CACNA1A: variants seen among roughly 807,000 people sequenced by gnomAD.
CACNA1A encodes the protein voltage-dependent P/Q-type calcium channel subunit alpha-1A.
In CACNA1A, 57 loss-of-function variants were observed where a neutral mutation model predicts 262.4. That is an observed-to-expected ratio of 0.22 (90% confidence interval 0.18 to 0.27). The LOEUF (loss-of-function observed/expected upper bound fraction) is 0.27, where lower values mean the gene tolerates loss of function less well. Among genes scored for constraint, CACNA1A ranks in the 10% least tolerant of loss-of-function variants. CACNA1A has a pLI of 1.00. For missense variants in CACNA1A, 2,526 were observed against 3,562.8 expected (o/e 0.71, Z 7.41); for synonymous variants, 1,431 against 1,419.3 (o/e 1.01, Z -0.18).
At chr19:13,473,595 C>T (rs1978295873) in intron 1 of CACNA1A, among the ~76,000 whole-genome samples, 1 of 152,186 alleles carries the variant, frequency 6.6e-6, no homozygotes, top group South Asian at 2.1e-4. Context: ...AAACACTTAC[C>T]ACAATTAGTA....
At chr19:13,498,591 C>T (rs1329260208) in intron 1 of CACNA1A, among the ~76,000 whole-genome samples, 7 of 152,154 alleles carry the variant, frequency 4.6e-5, no homozygotes, top group African/African-American at 7.2e-5. Flanking sequence ...CAGATAAAGC[C>T]GTGTCTGACC....
chr19:13,301,665 A>G (rs2057792393), intron 17 of CACNA1A, among the ~76,000 whole-genome samples: 1 of 152,254 alleles, frequency 6.6e-6, no homozygotes, highest in Non-Finnish European at 1.5e-5. Flanking sequence ...AAAACAGAAA[A>G]GCCAACAAAG....
intron 3 of CACNA1A, among the ~76,000 whole-genome samples, chr19:13,406,468 TATATATATATATATATATATATATA>T (rs1568614409): frequency 7.3e-5 from 1 of 13,792 alleles, no homozygotes; most frequent in African/African-American, 2.1e-4. Flanking sequence ...AAAAAAATTA[TATATATATATATATATATATATATA>T]TATATATATA....
intron 7 of CACNA1A, among the ~76,000 whole-genome samples, chr19:13,335,007 T>A (rs1274093469): frequency 6.7e-6 from 1 of 150,016 alleles, no homozygotes; most frequent in Non-Finnish European, 1.5e-5. Context: ...CACTCCAGTC[T>A]GGGTAATAAA....
chr19:13,372,153 CTTTAT>C (rs557540548), intron 3 of CACNA1A, among the ~76,000 whole-genome samples: 167 of 151,938 alleles, frequency 1.1e-3, no homozygotes, highest in South Asian at 8.3e-3. Flanking sequence ...GTTTGTGGCT[CTTTAT>C]TTTATTTTAT....
chr19:13,455,066 C>T, intron 2 of CACNA1A, 41 bp downstream of exon 2: 8 of 1,286,362 alleles, frequency 6.2e-6, no homozygotes, highest in Non-Finnish European at 7.9e-6. Context: ...TAATGTCCTG[C>T]TAAAGCCAAG....
intron 10 of CACNA1A, among the ~76,000 whole-genome samples, chr19:13,327,200 CATAA>C (rs1236576551): frequency 2.6e-5 from 4 of 152,022 alleles, no homozygotes; most frequent in African/African-American, 9.7e-5. Context: ...GCATTCTTTA[CATAA>C]ATAAATAAAG....
intron 1 of CACNA1A, among the ~76,000 whole-genome samples, chr19:13,461,967 A>G (rs1379583056): frequency 2.0e-5 from 3 of 152,228 alleles, no homozygotes; most frequent in Non-Finnish European, 4.4e-5. Context: ...CAGGACCTGC[A>G]GAGGCCCCAG....
At chr19:13,426,342 G>A (rs1249835244) in intron 3 of CACNA1A, among the ~76,000 whole-genome samples, 1 of 152,060 alleles carries the variant, frequency 6.6e-6, no homozygotes, top group African/African-American at 2.4e-5. Flanking sequence ...ATTCTCAAGT[G>A]GGGGCGTTTC....
chr19:13,461,579 C>T (rs1024771815), intron 1 of CACNA1A, among the ~76,000 whole-genome samples: 6 of 152,154 alleles, frequency 3.9e-5, no homozygotes, highest in Non-Finnish European at 5.9e-5. Flanking sequence ...ATGCCTCGCC[C>T]GAGGCAGAAG....
intron 3 of CACNA1A, among the ~76,000 whole-genome samples, chr19:13,409,326 C>T (rs1227692186): frequency 6.6e-6 from 1 of 151,850 alleles, no homozygotes; most frequent in East Asian, 1.9e-4. Flanking sequence ...AGTAGTAGAC[C>T]AATATCATTC....
intron 3 of CACNA1A, among the ~76,000 whole-genome samples, chr19:13,411,285 A>G (rs1241761909): frequency 3.3e-5 from 5 of 152,202 alleles, no homozygotes; most frequent in Admixed American, 3.3e-4. Flanking sequence ...TCACTTGCCC[A>G]TGTGATAGGG....
At chr19:13,265,722 G>C (rs7250783) in intron 24 of CACNA1A, among the ~76,000 whole-genome samples, 1 of 151,910 alleles carries the variant, frequency 6.6e-6, no homozygotes, top group African/African-American at 2.4e-5. Flanking sequence ...CTGCTTTTGC[G>C]AGAAAGGAAG....
intron 1 of CACNA1A, among the ~76,000 whole-genome samples, chr19:13,485,516 C>A (rs547428392): frequency 2.6e-5 from 4 of 152,026 alleles, no homozygotes; most frequent in Admixed American, 2.6e-4. Context: ...GGATCACCCA[C>A]AAATCAATAT....
chr19:13,262,356 T>C (rs1600197374), intron 25 of CACNA1A: 1 of 169,390 alleles, frequency 5.9e-6, no homozygotes, highest in South Asian at 1.6e-4. Flanking sequence ...TATTTTGGAA[T>C]GGGAGATACT....
chr19:13,464,200 C>T (rs575873464), intron 1 of CACNA1A, among the ~76,000 whole-genome samples: 12 of 152,122 alleles, frequency 7.9e-5, no homozygotes, highest in Middle Eastern at 3.4e-3. Flanking sequence ...ACAGCCTGGG[C>T]GACACAGCAA....
intron 31 of CACNA1A, 162 bp from the exon 32 acceptor site, chr19:13,235,892 G>C: frequency 1.7e-6 from 1 of 577,608 alleles, no homozygotes; most frequent in East Asian, 2.8e-5. Flanking sequence ...CAATGATGCA[G>C]AGGAAAAACT....
At chr19:13,493,156 G>T in intron 1 of CACNA1A, among the ~76,000 whole-genome samples, 1 of 152,154 alleles carries the variant, frequency 6.6e-6, no homozygotes, top group East Asian at 1.9e-4. Context: ...CAAGCCTGTT[G>T]CTTCTTGTGT....
At position 13,406,509 on chromosome 19, in the gene CACNA1A, A is replaced by ATG. The variant is rs1555781831; in HGVS notation, c.540-34731_540-34730insCA. On this transcript the variant is annotated intron_variant, in intron 3 of 46. Transcript: ENST00000360228. ...TATATATATATATATATATATATAT[A>ATG]TATGAAGGGAATCTGATCCCTAACA... 2.3e-3 allele frequency among the ~76,000 whole-genome samples: 252 copies of ATG among 109,652 alleles called. 10 individuals are homozygous for ATG. The highest frequency in any genetic ancestry group is 6.6e-3 in the African/African-American group (196 of 29,800). The allele number at this position is 109,652 out of a possible 152,430, so 71.9% of individuals were successfully genotyped here. A position where few individuals can be genotyped will look rare whatever the true frequency, so the allele number is the denominator to read the frequency against.
Sources: allele counts gnomAD v4.1 joint callset (sites outside exome capture counted in the v4.1 genomes callset), GRCh38; gene constraint gnomAD v4.1.1; transcripts MANE v1.5; gene names NCBI Gene and HGNC (gene_info 2026-07-23, HGNC 2026-07-21).